The following AKAP11 variants were observed in gnomAD, a reference collection of about 807,000 sequenced individuals.
AKAP11 encodes the protein A-kinase anchoring protein 11.
A neutral mutation model predicts 146.1 loss-of-function variants in AKAP11; 36 were observed. The ratio of observed to expected loss-of-function variants is 0.25; its 90% confidence interval spans 0.19 to 0.33. The LOEUF is 0.33. AKAP11 is among the 10% of genes least tolerant of loss of function. The pLI, the probability that AKAP11 is intolerant of heterozygous loss-of-function variation, is 1.00. For missense variants in AKAP11, 2,201 were observed against 2,197.0 expected (o/e 1.00, Z -0.04); for synonymous variants, 780 against 786.5 (o/e 0.99, Z 0.14).
chr13:42,298,496 A>T (rs1263090231), intron 6 of AKAP11, 37 bp from the exon 7 acceptor site: 7 of 1,594,468 alleles, frequency 4.4e-6, no homozygotes, highest in Admixed American at 1.8e-5. Context: ...TGTATTTGAA[A>T]TTAAAATTGT....
intron 1 of AKAP11, among the ~76,000 whole-genome samples, 183 bp from the exon 2 acceptor site, chr13:42,285,803 G>A (rs891827100): frequency 7.4e-5 from 11 of 148,064 alleles, no homozygotes; most frequent in African/African-American, 2.7e-4. Flanking sequence ...AATTTGATAT[G>A]TACAGATTTC....
At chr13:42,288,741 A>G (rs563047209) in intron 3 of AKAP11, among the ~76,000 whole-genome samples, 76 of 152,228 alleles carry the variant, frequency 5.0e-4, no homozygotes, top group African/African-American at 1.8e-3. Flanking sequence ...TTTATATTCA[A>G]TTCTGACATC....
rs765469209 is a variant in AKAP11, at chr13:42,300,674, TTGCTAGGTTTGC to T, written c.1932_1943del (p.Arg645_Ala648del). On this transcript the variant is annotated inframe_deletion, in exon 8 of 13. Coordinates refer to ENST00000025301, the MANE Select transcript of AKAP11 (RefSeq NM_016248.4). ...AAGAAGCAGATATTCACAAACACAG[TTGCTAGGTTTGC>T]TGCAGATCTTGCTGAAGAGCTTGTT... 1.2e-6 allele frequency: 2 copies of T among 1,614,090 alleles called. No individual in the cohort carries two copies. The highest frequency in any genetic ancestry group is 2.7e-5 in the African/African-American group (2 of 75,038).
rs1566298129 is a variant in AKAP11, at chr13:42,319,773, G to T, written c.*545G>T. On this transcript the variant is annotated 3_prime_UTR_variant, in exon 13 of 13. Transcript: ENST00000025301. ...ATAGATCAGCTATTGGTAGCTTTTT[G>T]ATTTCCCCAAACTATTTAATTTCTT... The T allele has an allele frequency of 6.6e-6, 1 of 152,168 alleles. No individual in the cohort carries two copies. The highest frequency in any genetic ancestry group is 1.5e-5 in the Non-Finnish European group (1 of 68,024). 9.4% of individuals were successfully genotyped at this position (152,168 alleles called of 1,614,324 possible). A position where few individuals can be genotyped will look rare whatever the true frequency, so the allele number is the denominator to read the frequency against.
chr13:42,303,739 G>A lies in AKAP11; in HGVS notation c.4993G>A (p.Glu1665Lys), dbSNP rs755073794. Residue 1665 changes from glutamate to lysine, a missense_variant, in exon 8 of 13, where the codon GAG becomes AAG. Transcript: ENST00000025301. Reference protein sequence around the residue: ...VAEAIEKAERELSSTSLAADS... With the variant: ...VAEAIEKAERKLSSTSLAADS... Reference sequence around the variant, plus strand: ...TGAAGCCATTGAAAAAGCTGAGCGAGAGCTGAGCAGTACCAGCCTGGCAGC... The same window carrying A: ...TGAAGCCATTGAAAAAGCTGAGCGAAAGCTGAGCAGTACCAGCCTGGCAGC... The A allele has an allele frequency of 9.9e-6, 16 of 1,614,146 alleles. No homozygotes were observed. The African/African-American group carries it at 2.0e-4, about 20-fold the overall frequency.
intron 1 of AKAP11, among the ~76,000 whole-genome samples, chr13:42,283,385 A>AT (rs900414008): frequency 4.0e-5 from 6 of 151,848 alleles, no homozygotes; most frequent in African/African-American, 1.5e-4. Context: ...ATTTGTCTGG[A>AT]TTTTTTCTTT....
intron 1 of AKAP11, among the ~76,000 whole-genome samples, chr13:42,284,769 T>C (rs1959133090): frequency 6.6e-6 from 1 of 152,226 alleles, no homozygotes; most frequent in South Asian, 2.1e-4. Flanking sequence ...GAAACAAAGC[T>C]AATAAGAGGC....
intron 9 of AKAP11, 53 bp downstream of exon 9, chr13:42,308,662 G>C: frequency 1.5e-6 from 2 of 1,373,036 alleles, no homozygotes; most frequent in Non-Finnish European, 2.0e-6. Flanking sequence ...GATCTTAGAA[G>C]TGAGCTATAA....
intron 8 of AKAP11, among the ~76,000 whole-genome samples, chr13:42,307,165 T>C (rs1960303845): frequency 6.6e-6 from 1 of 152,128 alleles, no homozygotes; most frequent in Admixed American, 6.5e-5. Flanking sequence ...TAGTAATCTA[T>C]CAATGGTTCA....
At chr13:42,287,259 T>TA (rs1389363294) in intron 3 of AKAP11, among the ~76,000 whole-genome samples, 3 of 152,110 alleles carry the variant, frequency 2.0e-5, no homozygotes, top group Non-Finnish European at 4.4e-5. Flanking sequence ...AAATAGAAAG[T>TA]AAACTTATCC....
Position 42,298,643 on chromosome 13 carries a change from C to T in AKAP11, c.462C>T (p.Tyr154=), listed in dbSNP as rs2273951. The T allele has an allele frequency of 0.14, 232,496 of 1,610,628 alleles. 17,481 individuals are homozygous for T. Among genetic ancestry groups the T allele is most frequent in the South Asian group, 0.17 (15,630 of 90,488 alleles). ...LLSKYATGIR[Y]TLDTFLHQKH... is the part of the protein sequence containing the mutation. ...GTAAATATGCTACTGGTATAAGGTA[C>T]ACCTTGGACACATTCTTGCATCAGA... The change falls in exon 7 of 13, where the codon TAC becomes TAT. Residue 154 remains tyrosine (Y), a synonymous_variant. Coordinates refer to ENST00000025301, the MANE Select transcript of AKAP11 (RefSeq NM_016248.4).
At chr13:42,279,348 C>T (rs1219509014) in intron 1 of AKAP11, among the ~76,000 whole-genome samples, 1 of 152,114 alleles carries the variant, frequency 6.6e-6, no homozygotes, top group East Asian at 1.9e-4. Flanking sequence ...AGTTATTCAC[C>T]TTTTATGGTG....
rs571273591 is a variant in AKAP11 at position 42,320,554 on chromosome 13, C to T, written c.*1326C>T. ...CACTGTCTCTCACCTCCCCCACCCC[C>T]CACTCTCTCTCATCTCTCGCTGTGT... is the stretch of plus-strand genomic sequence containing the variant. On this transcript the variant is annotated 3_prime_UTR_variant, in exon 13 of 13. Transcript: ENST00000025301. 1.4e-3 allele frequency: 206 copies of T among 150,658 alleles called. 1 individual carries two copies. Among genetic ancestry groups the T allele is most frequent in the Middle Eastern group, 6.8e-3 (2 of 296 alleles). The allele number at this position is 150,658 out of a possible 1,614,324, so 9.3% of individuals were successfully genotyped here. A position where few individuals can be genotyped will look rare whatever the true frequency, so the allele number is the denominator to read the frequency against.
chr13:42,308,351 C>T, intron 8 of AKAP11, 103 bp from the exon 9 acceptor site: 1 of 975,388 alleles, frequency 1.0e-6, no homozygotes, highest in South Asian at 1.9e-5. Flanking sequence ...TTCCGAATAC[C>T]ATTTCTTGTT....
chr13:42,313,888 C>G lies in AKAP11; in HGVS notation c.5358-6C>G. On this transcript the variant is annotated splice_polypyrimidine_tract_variant and splice_region_variant and intron_variant, in intron 10 of 12. Coordinates refer to ENST00000025301, the MANE Select transcript of AKAP11 (RefSeq NM_016248.4). ...TTGTAACTGCTTCTGCTATTTTATTCATAAGTGATGGACCAGATGATAAAG... is the reference window on the plus strand; with the variant it reads ...TTGTAACTGCTTCTGCTATTTTATTGATAAGTGATGGACCAGATGATAAAG... 6.2e-7 allele frequency: 1 copy of G among 1,610,854 alleles called. No individual in the cohort carries two copies. Among genetic ancestry groups the G allele is most frequent in the East Asian group, 2.2e-5 (1 of 44,790 alleles).
At chr13:42,290,372 A>G (rs1401958629) in intron 3 of AKAP11, among the ~76,000 whole-genome samples, 1 of 152,190 alleles carries the variant, frequency 6.6e-6, no homozygotes, top group Non-Finnish European at 1.5e-5. Flanking sequence ...TAGGTGGTTA[A>G]GGTAATAACC....
At chr13:42,296,276 G>A (rs1474767517) in intron 5 of AKAP11, among the ~76,000 whole-genome samples, 1 of 152,092 alleles carries the variant, frequency 6.6e-6, no homozygotes, top group Non-Finnish European at 1.5e-5. Flanking sequence ...GGTGATTATG[G>A]GCAAAAACTG....
chr13:42,284,099 C>T (rs1959118092), intron 1 of AKAP11, among the ~76,000 whole-genome samples: 1 of 152,200 alleles, frequency 6.6e-6, no homozygotes, highest in African/African-American at 2.4e-5. Context: ...GCTAAGCTTC[C>T]TCTTGCCTCA....
chr13:42,275,940 C>G (rs1471589182), intron 1 of AKAP11, among the ~76,000 whole-genome samples: 1 of 152,204 alleles, frequency 6.6e-6, no homozygotes, highest in African/African-American at 2.4e-5. Context: ...CTCAAGAAGT[C>G]TAGAAGTCCA....
Sources: allele counts gnomAD v4.1 joint callset (sites outside exome capture counted in the v4.1 genomes callset), GRCh38; gene constraint gnomAD v4.1.1; transcripts MANE v1.5; gene names NCBI Gene and HGNC (gene_info 2026-07-23, HGNC 2026-07-21).